Variants in PSMD14 observed in about 807,000 individuals in gnomAD.
PSMD14 encodes the protein ubiquitin C-terminal hydrolase PSMD14.
In PSMD14, 7 loss-of-function variants were observed where a neutral mutation model predicts 41.2. The ratio of observed to expected loss-of-function variants is 0.17; its 90% CI spans 0.10 to 0.32. PSMD14 has a LOEUF of 0.32. Among genes scored for constraint, PSMD14 ranks in the 10% least tolerant of loss-of-function variants. The pLI is 1.00. For synonymous variants in PSMD14, 114 were observed against 122.3 expected, an observed-to-expected ratio of 0.93 and a Z score of 0.45; for missense variants, 139 against 375.6, an observed-to-expected ratio of 0.37 and a Z score of 5.21.
intron 3 of PSMD14, among the ~76,000 whole-genome samples, chr2:161,319,276 T>G (rs1689176801): frequency 6.6e-6 from 1 of 152,092 alleles, no homozygotes; most frequent in Non-Finnish European, 1.5e-5. Flanking sequence ...AATGTTTATA[T>G]GTACAGTCTT....
chr2:161,409,743 GC>G (rs1395070888), intron 11 of PSMD14: 1 of 152,060 alleles, frequency 6.6e-6, no homozygotes, highest in East Asian at 1.9e-4. Context: ...AGCAGTAGGG[GC>G]AAAGGTCTGA....
chr2:161,326,223 G>A (rs1044233209), intron 3 of PSMD14, among the ~76,000 whole-genome samples: 3 of 151,994 alleles, frequency 2.0e-5, no homozygotes, highest in Non-Finnish European at 4.4e-5. Flanking sequence ...TAGAGACAGG[G>A]TTTCACCATG....
At chr2:161,344,737 A>G (rs1313280254) in intron 3 of PSMD14, among the ~76,000 whole-genome samples, 1 of 152,232 alleles carries the variant, frequency 6.6e-6, no homozygotes, top group Admixed American at 6.5e-5. Context: ...CATTTAAAAA[A>G]TTAAGTTATT....
chr2:161,394,470 G>T (rs1423182333), intron 9 of PSMD14, among the ~76,000 whole-genome samples: 2 of 152,036 alleles, frequency 1.3e-5, no homozygotes, highest in African/African-American at 4.8e-5. Context: ...AATAAATGGG[G>T]CATTTATCTC....
In PSMD14 at chr2:161,367,459, T is replaced by C. The variant is rs1401389688; in HGVS notation, c.49-19T>C. On this transcript the variant is annotated intron_variant, in intron 3 of 11. Transcript: ENST00000409682. ...AACTCTGTGTTTGTTTTAATAATAA[T>C]TGATGTATTTGTTTCTAGGGGCCAC... 1 of 1,549,188 alleles carries C rather than the reference T, an allele frequency of 6.5e-7. No individual in the cohort carries two copies. The highest frequency in any genetic ancestry group is 8.8e-7 in the Non-Finnish European group (1 of 1,137,286).
chr2:161,382,899 G>A (rs761056871), intron 7 of PSMD14: 1 of 151,652 alleles, frequency 6.6e-6, no homozygotes, highest in Non-Finnish European at 1.5e-5. Context: ...ATTCTTGGGA[G>A]TTCTTTGTTC....
At position 161,394,968 on chromosome 2, in the gene PSMD14, TA is replaced by T. The variant is rs1683771275; in HGVS notation, c.646-107del. 47 of 965,152 alleles carry T rather than the reference TA, an allele frequency of 4.9e-5. 1 individual carries two copies. The South Asian group carries it at 8.5e-4, about 17-fold the overall frequency. The allele number at this position is 965,152 out of a possible 1,614,324, so 59.8% of individuals were successfully genotyped here. On this transcript the variant is annotated intron_variant, in intron 9 of 11. Transcript: ENST00000409682. ...TGGAGTTCATTTGAATTAATAAAGTTAAATCCATTAAGTCGAAATGTTTTTT... is the reference window on the plus strand; with the variant it reads ...TGGAGTTCATTTGAATTAATAAAGTTAATCCATTAAGTCGAAATGTTTTTT...
At chr2:161,381,078 G>A (rs1024345151) in intron 7 of PSMD14, among the ~76,000 whole-genome samples, 3 of 151,688 alleles carry the variant, frequency 2.0e-5, no homozygotes, top group Non-Finnish European at 4.4e-5. Context: ...TTTAAAATAT[G>A]TAATCTAACT....
At chr2:161,345,894 A>C (rs957926114) in intron 3 of PSMD14, among the ~76,000 whole-genome samples, 9 of 150,216 alleles carry the variant, frequency 6.0e-5, no homozygotes, top group Non-Finnish European at 8.9e-5. Context: ...CATTCTTTTT[A>C]TTTTTATTTT....
intron 3 of PSMD14, among the ~76,000 whole-genome samples, chr2:161,357,074 GCC>G: frequency 4.2e-5 from 1 of 24,076 alleles, no homozygotes. Flanking sequence ...AATGGCAAAT[GCC>G]TTTTTTTTTT....
intron 3 of PSMD14, among the ~76,000 whole-genome samples, chr2:161,352,872 C>T (rs949868531): frequency 6.6e-6 from 1 of 152,092 alleles, no homozygotes; most frequent in Non-Finnish European, 1.5e-5. Flanking sequence ...CCTCCAGGGC[C>T]CAGCTTTTAT....
At chr2:161,377,336 A>G (rs554356724) in intron 7 of PSMD14, among the ~76,000 whole-genome samples, 2 of 151,902 alleles carry the variant, frequency 1.3e-5, no homozygotes, top group Admixed American at 6.6e-5. Context: ...TACCCTTCCA[A>G]GGTATTCTTG....
intron 3 of PSMD14, among the ~76,000 whole-genome samples, chr2:161,323,308 T>C (rs1031433592): frequency 6.6e-6 from 1 of 152,216 alleles, no homozygotes; most frequent in Non-Finnish European, 1.5e-5. Flanking sequence ...TTCCTGTTTC[T>C]CATTACGGTG....
chr2:161,410,232 CTAAGACT>C (rs1248160388), intron 11 of PSMD14, among the ~76,000 whole-genome samples: 1 of 151,740 alleles, frequency 6.6e-6, no homozygotes, highest in African/African-American at 2.4e-5. Context: ...CTAAAATGCC[CTAAGACT>C]TATTTCTGAA....
intron 1 of PSMD14, among the ~76,000 whole-genome samples, chr2:161,310,108 G>A (rs1005971375): frequency 6.6e-6 from 1 of 152,136 alleles, no homozygotes; most frequent in Non-Finnish European, 1.5e-5. Flanking sequence ...CCAAGATCGC[G>A]CAACTGCACT....
chr2:161,384,916 C>T (rs1683614794), intron 7 of PSMD14: 1 of 151,712 alleles, frequency 6.6e-6, no homozygotes, highest in Non-Finnish European at 1.5e-5. Flanking sequence ...ACATTTAAGG[C>T]CATCAGACAA....
chr2:161,345,236 C>CTTTTTTTTTTTTTTTTTTTTTTTTTT (rs869245727), intron 3 of PSMD14, among the ~76,000 whole-genome samples: 1 of 57,020 alleles, frequency 1.8e-5, no homozygotes, highest in Non-Finnish European at 3.0e-5. Context: ...ATCTCTGTGT[C>CTTTTTTTTTTTTTTTTTTTTTTTTTT]TTTTTTTTTT....
intron 3 of PSMD14, among the ~76,000 whole-genome samples, chr2:161,367,083 A>G (rs1402373629): frequency 1.3e-5 from 2 of 152,204 alleles, no homozygotes; most frequent in Non-Finnish European, 2.9e-5. Context: ...GAGGAATCCC[A>G]TAGCCTTAAT....
chr2:161,327,983 T>TGTGA (rs1425339320), intron 3 of PSMD14, among the ~76,000 whole-genome samples: 1 of 148,994 alleles, frequency 6.7e-6, no homozygotes, highest in South Asian at 2.1e-4. Context: ...TGTGTGTGTG[T>TGTGA]GAGATGTTGG....
Sources: gnomAD v4.1 joint callset for allele counts (sites outside exome capture counted in the v4.1 genomes callset) on GRCh38, gnomAD v4.1.1 for gene constraint, MANE v1.5 for transcripts, NCBI Gene and HGNC (gene_info 2026-07-23, HGNC 2026-07-21) for gene names.